Variants in PARD3 observed in about 807,000 individuals in gnomAD.
PARD3 encodes the protein par-3 family cell polarity regulator, also known as partitioning defective 3 homolog.
A neutral mutation model predicts 155.4 loss-of-function variants in PARD3; 75 were observed. The ratio of observed to expected loss-of-function variants is 0.48; its 90% CI spans 0.40 to 0.58. The LOEUF is 0.58. Ranked by LOEUF, PARD3 falls within the 20% of genes least tolerant of loss-of-function variation. The probability of loss-of-function intolerance (pLI) is 0.00; values close to 1 mark genes in which losing one functional copy is unlikely to be tolerated. For synonymous variants in PARD3, 576 were observed against 610.5 expected (o/e 0.94, Z 0.83); for missense variants, 1,642 against 1,721.7 (o/e 0.95, Z 0.82).
chr10:34,252,279 C>T (rs538932217), intron 22 of PARD3, among the ~76,000 whole-genome samples: 1 of 152,272 alleles, frequency 6.6e-6, no homozygotes, highest in Admixed American at 6.5e-5. Context: ...GGTGTGTGCT[C>T]CTGAGAGTGT....
At chr10:34,500,986 CAA>C (rs1473699803) in intron 3 of PARD3, among the ~76,000 whole-genome samples, 4 of 152,050 alleles carry the variant, frequency 2.6e-5, no homozygotes, top group South Asian at 2.1e-4. Context: ...TTTAATTGTG[CAA>C]AAGAGTTAAA....
intron 20 of PARD3, among the ~76,000 whole-genome samples, chr10:34,295,367 C>A (rs1956860040): frequency 6.6e-6 from 1 of 150,982 alleles, no homozygotes; most frequent in African/African-American, 2.4e-5. Context: ...CAACAAGCGT[C>A]CAAATATACA....
chr10:34,264,584 G>A (rs1002805848), intron 22 of PARD3, among the ~76,000 whole-genome samples: 3 of 152,068 alleles, frequency 2.0e-5, no homozygotes, highest in Non-Finnish European at 4.4e-5. Context: ...GACAAAATGA[G>A]TCAGCCCCAT....
intron 3 of PARD3, among the ~76,000 whole-genome samples, chr10:34,504,309 G>A (rs977304960): frequency 2.0e-5 from 3 of 151,672 alleles, no homozygotes; most frequent in Middle Eastern, 3.4e-3. Context: ...TTTTTGTAGA[G>A]ACTGGATCTT....
intron 22 of PARD3, among the ~76,000 whole-genome samples, chr10:34,211,074 G>T (rs186970449): frequency 6.6e-6 from 1 of 152,146 alleles, no homozygotes; most frequent in Admixed American, 6.5e-5. Context: ...CCGGGTTGAC[G>T]TGAGAATTGA....
intron 3 of PARD3, chr10:34,488,709 T>TTGGCTGGTGAAG (rs2079648763): frequency 6.5e-6 from 1 of 153,722 alleles, no homozygotes; most frequent in Admixed American, 6.5e-5. Context: ...GCCATGCACT[T>TTGGCTGGTGAAG]TGGCTGGTGA....
intron 2 of PARD3, among the ~76,000 whole-genome samples, chr10:34,530,482 T>C (rs2082773045): frequency 6.6e-6 from 1 of 152,206 alleles, no homozygotes; most frequent in African/African-American, 2.4e-5. Flanking sequence ...CAAGTTATTT[T>C]CTATTAATTC....
chr10:34,656,150 C>G (rs1411223739), intron 2 of PARD3, among the ~76,000 whole-genome samples: 5 of 152,140 alleles, frequency 3.3e-5, no homozygotes, highest in Admixed American at 2.0e-4. Context: ...GTTAAACTTA[C>G]TTAACACCAC....
At chr10:34,407,038 G>A (rs1844551921) in intron 5 of PARD3, among the ~76,000 whole-genome samples, 1 of 152,066 alleles carries the variant, frequency 6.6e-6, no homozygotes, top group Admixed American at 6.6e-5. Flanking sequence ...GTCAGTAACT[G>A]GTAATCAGGA....
At chr10:34,459,189 C>T (rs1261370077) in intron 4 of PARD3, among the ~76,000 whole-genome samples, 1 of 151,710 alleles carries the variant, frequency 6.6e-6, no homozygotes, top group Admixed American at 6.6e-5. Flanking sequence ...TTTTTTGAGA[C>T]GGAGTCTCGC....
intron 5 of PARD3, among the ~76,000 whole-genome samples, chr10:34,431,186 C>G (rs1476295390): frequency 6.6e-6 from 1 of 152,156 alleles, no homozygotes; most frequent in African/African-American, 2.4e-5. Context: ...AATAACACCC[C>G]TGATGCTACC....
chr10:34,798,764 C>G (rs1419869238), intron 1 of PARD3, among the ~76,000 whole-genome samples: 1 of 151,834 alleles, frequency 6.6e-6, no homozygotes, highest in Non-Finnish European at 1.5e-5. Context: ...AAGTGACCAG[C>G]CTTTGAGCAT....
At position 34,480,784 on chromosome 10, in the gene PARD3, GTTTC is replaced by G. The variant is rs1294277394; in HGVS notation, c.404-10525_404-10522del. On this transcript the variant is annotated intron_variant, in intron 3 of 24. Transcript: ENST00000374788. ...TTTAGCTACAGGGGTACATCTGCAG[GTTTC>G]TTTTTCTTTTTTTTTTTTTTTTTTT... Among the ~76,000 whole-genome samples the G allele has an allele frequency of 3.5e-3, 512 of 144,652 alleles. 5 individuals are homozygous for G. Among genetic ancestry groups the G allele is most frequent in the Non-Finnish European group, 4.9e-3 (323 of 66,116 alleles). 94.9% of individuals were successfully genotyped at this position (144,652 alleles called of 152,430 possible).
intron 1 of PARD3, among the ~76,000 whole-genome samples, chr10:34,812,042 A>T (rs1422820281): frequency 6.6e-6 from 1 of 152,252 alleles, no homozygotes; most frequent in African/African-American, 2.4e-5. Context: ...GTCACACATG[A>T]CTAAGCATAA....
chr10:34,133,637 C>T (rs1947733383), intron 22 of PARD3, among the ~76,000 whole-genome samples: 1 of 152,234 alleles, frequency 6.6e-6, no homozygotes, highest in East Asian at 1.9e-4. Context: ...ACCCCTCCTG[C>T]GTGATGTGAT....
chr10:34,224,078 G>C (rs553750679), intron 22 of PARD3, among the ~76,000 whole-genome samples: 15 of 152,334 alleles, frequency 9.8e-5, no homozygotes, highest in African/African-American at 3.4e-4. Flanking sequence ...CTCCTAAGCA[G>C]GTCAGCCTCA....
intron 2 of PARD3, among the ~76,000 whole-genome samples, chr10:34,590,807 T>C (rs1416780443): frequency 1.3e-5 from 2 of 152,192 alleles, no homozygotes; most frequent in East Asian, 3.8e-4. Context: ...ATCCTGATTC[T>C]TTAAAATGCA....
chr10:34,571,822 A>C (rs1301718967), intron 2 of PARD3, among the ~76,000 whole-genome samples: 1 of 152,198 alleles, frequency 6.6e-6, no homozygotes, highest in African/African-American at 2.4e-5. Context: ...ATCTGTACCA[A>C]TTTGATGTTG....
chr10:34,335,543 C>T (rs914379507), intron 18 of PARD3, among the ~76,000 whole-genome samples: 2 of 151,938 alleles, frequency 1.3e-5, no homozygotes, highest in African/African-American at 4.8e-5. Flanking sequence ...GACTATAATG[C>T]AATCCCAGTT....
Sources: allele counts gnomAD v4.1 joint callset (sites outside exome capture counted in the v4.1 genomes callset), GRCh38; gene constraint gnomAD v4.1.1; transcripts MANE v1.5; gene names NCBI Gene and HGNC (gene_info 2026-07-23, HGNC 2026-07-21).